The following FIG4 variants were observed in gnomAD, a reference collection of about 807,000 sequenced individuals.
FIG4 encodes the protein FIG4 phosphoinositide 5-phosphatase.
A neutral mutation model predicts 118.6 loss-of-function variants in FIG4; 112 were observed. The observed-to-expected ratio is 0.94, with a 90% CI of 0.81 to 1.11. The LOEUF (loss-of-function observed/expected upper bound fraction) is 1.11. Ranked by LOEUF, FIG4 falls within the 50% of genes least tolerant of loss-of-function variation. The pLI, the probability that FIG4 is intolerant of heterozygous loss-of-function variation, is 0.00. For synonymous variants in FIG4, 369 were observed against 381.2 expected, an observed-to-expected ratio of 0.97 and a Z score of 0.37; for missense variants, 969 against 1,111.7, an observed-to-expected ratio of 0.87 and a Z score of 1.83.
At chr6:109,715,293 C>T (rs554322150) in intron 2 of FIG4, 117 bp downstream of exon 2, 40 of 628,622 alleles carry the variant, frequency 6.4e-5, no homozygotes, top group South Asian at 2.0e-4. Context: ...TAAAAGTTTC[C>T]GTTATTTTTC....
rs775391378 is a variant in FIG4 at position 109,735,173 on chromosome 6, C to T, written c.521C>T (p.Ser174Leu). The T allele has an allele frequency of 5.0e-6, 8 of 1,612,606 alleles. No homozygotes were observed. The highest frequency in any genetic ancestry group is 6.8e-6 in the Non-Finnish European group (8 of 1,178,958). Reference sequence around the variant, plus strand: ...AGTTACAGCTATGATTTGTCCCACTCACTTCAATATAATCTCACTGTCTTG... The same window carrying T: ...AGTTACAGCTATGATTTGTCCCACTTACTTCAATATAATCTCACTGTCTTG... ...YFSYSYDLSH[S>L]LQYNLTVLRM... is the part of the protein sequence containing the mutation. The change falls in exon 6 of 23, where the codon TCA becomes TTA. Residue 174 changes from serine (S) to leucine (L), a missense_variant. Transcript: ENST00000230124.
Position 109,785,667 on chromosome 6 carries a change from A to G in FIG4, c.1949-635A>G, listed in dbSNP as rs1212167152. On this transcript the variant is annotated intron_variant, in intron 17 of 22. Transcript: ENST00000230124. ...TGAGCAAGCTCATTTTCCATTTGGTAAAGGGTTCCTAGCAAGATCTCCTGC... is the reference window on the plus strand; with the variant it reads ...TGAGCAAGCTCATTTTCCATTTGGTGAAGGGTTCCTAGCAAGATCTCCTGC... The G allele has an allele frequency of 6.4e-6, 3 of 470,910 alleles. No homozygotes were observed. The East Asian group carries it at 2.1e-4, about 33-fold the overall frequency. The allele number at this position is 470,910 out of a possible 1,614,324, so 29.2% of individuals were successfully genotyped here. A position where few individuals can be genotyped will look rare whatever the true frequency, so the allele number is the denominator to read the frequency against.
At chr6:109,695,549 C>A (rs1248111534) in intron 1 of FIG4, among the ~76,000 whole-genome samples, 1 of 150,572 alleles carries the variant, frequency 6.6e-6, no homozygotes, top group African/African-American at 2.4e-5. Context: ...CTTTAGCTTT[C>A]CAGAAAGTCA....
chr6:109,820,631 G>T (rs1778980118), intron 22 of FIG4, among the ~76,000 whole-genome samples: 1 of 152,156 alleles, frequency 6.6e-6, no homozygotes, highest in Admixed American at 6.5e-5. Context: ...CAAATGTAGG[G>T]CTCAGTTTGA....
intron 9 of FIG4, 133 bp downstream of exon 9, chr6:109,743,405 G>C: frequency 1.2e-6 from 1 of 825,790 alleles, no homozygotes; most frequent in Non-Finnish European, 2.0e-6. Flanking sequence ...ATTTAGAAGA[G>C]GAATTTCCGT....
chr6:109,800,986 T>C (rs546508093), intron 22 of FIG4, among the ~76,000 whole-genome samples: 97 of 152,250 alleles, frequency 6.4e-4, no homozygotes, highest in Non-Finnish European at 1.0e-3. Context: ...AGGCAGTGAT[T>C]CACTATATTC....
intron 22 of FIG4, among the ~76,000 whole-genome samples, chr6:109,798,799 T>A (rs1390695695): frequency 6.6e-6 from 1 of 151,280 alleles, no homozygotes; most frequent in East Asian, 1.9e-4. Context: ...CCCAACACTA[T>A]TTTTTCTTTT....
chr6:109,733,059 G>A (rs1387051944), intron 5 of FIG4, among the ~76,000 whole-genome samples: 4 of 152,002 alleles, frequency 2.6e-5, no homozygotes, highest in Non-Finnish European at 5.9e-5. Flanking sequence ...GCAAAATTGG[G>A]TAAAAACAAA....
intron 3 of FIG4, among the ~76,000 whole-genome samples, chr6:109,724,879 G>A (rs866341397): frequency 9.3e-5 from 14 of 150,760 alleles, no homozygotes; most frequent in South Asian, 2.1e-4. Flanking sequence ...AGAATTTACC[G>A]TCACAATCAT....
intron 10 of FIG4, among the ~76,000 whole-genome samples, chr6:109,745,982 C>T (rs762277699): frequency 1.3e-5 from 2 of 152,056 alleles, no homozygotes; most frequent in Non-Finnish European, 2.9e-5. Context: ...GGAGGCATCA[C>T]GCTACCTGAC....
chr6:109,808,350 CA>C (rs55948419), intron 22 of FIG4, among the ~76,000 whole-genome samples: 6,445 of 67,278 alleles, frequency 0.096, 75 homozygotes, highest in African/African-American at 0.23. Context: ...ACACTCACAG[CA>C]AAAAAAAAAA....
At chr6:109,692,117 C>G (rs1293072376) in intron 1 of FIG4, among the ~76,000 whole-genome samples, 2 of 152,054 alleles carry the variant, frequency 1.3e-5, no homozygotes, top group African/African-American at 4.8e-5. Context: ...CTTTGAATGG[C>G]CATGTAAATA....
At chr6:109,716,863 G>A (rs1336302455) in intron 3 of FIG4, among the ~76,000 whole-genome samples, 1 of 152,156 alleles carries the variant, frequency 6.6e-6, no homozygotes, top group Non-Finnish European at 1.5e-5. Context: ...GTAAAAATTA[G>A]CTTGGACTGG....
intron 22 of FIG4, among the ~76,000 whole-genome samples, chr6:109,804,536 A>G (rs537257680): frequency 6.6e-6 from 1 of 152,306 alleles, no homozygotes; most frequent in East Asian, 1.9e-4. Context: ...TGCCCTTTGC[A>G]TGTTACTCAG....
intron 3 of FIG4, among the ~76,000 whole-genome samples, chr6:109,720,974 C>CTA (rs769516970): frequency 1.3e-5 from 2 of 152,158 alleles, no homozygotes; most frequent in Admixed American, 1.3e-4. Context: ...ATGGAATGAC[C>CTA]TATAGTTCAT....
At chr6:109,722,306 AT>A (rs934349408) in intron 3 of FIG4, among the ~76,000 whole-genome samples, 1 of 151,530 alleles carries the variant, frequency 6.6e-6, no homozygotes, top group Non-Finnish European at 1.5e-5. Flanking sequence ...TTTTAATAGC[AT>A]TTTTTTCGCA....
intron 1 of FIG4, among the ~76,000 whole-genome samples, chr6:109,712,878 T>G (rs1775308079): frequency 1.3e-5 from 2 of 152,230 alleles, no homozygotes; most frequent in Admixed American, 1.3e-4. Context: ...TTCTTCAATC[T>G]TTGAAGCTGT....
chr6:109,729,011 T>A (rs1353671736), intron 4 of FIG4, among the ~76,000 whole-genome samples: 3 of 152,138 alleles, frequency 2.0e-5, no homozygotes, highest in African/African-American at 4.8e-5. Context: ...ATAGGTAAAC[T>A]GAAGTAATAT....
intron 10 of FIG4, among the ~76,000 whole-genome samples, chr6:109,753,250 G>A (rs545287748): frequency 7.2e-5 from 11 of 152,198 alleles, no homozygotes; most frequent in South Asian, 2.1e-4. Context: ...TGGTATGGCC[G>A]TAGACGATGC....
Sources: gnomAD v4.1 joint callset for allele counts (sites outside exome capture counted in the v4.1 genomes callset) on GRCh38, gnomAD v4.1.1 for gene constraint, MANE v1.5 for transcripts, NCBI Gene and HGNC (gene_info 2026-07-23, HGNC 2026-07-21) for gene names.